CASZ1: variants seen among roughly 807,000 people sequenced by gnomAD.
The protein encoded by CASZ1 is zinc finger protein castor homolog 1.
In CASZ1, 28 loss-of-function variants were observed where a neutral mutation model predicts 135.2. The observed-to-expected ratio is 0.21, with a 90% confidence interval of 0.15 to 0.28. The LOEUF (loss-of-function observed/expected upper bound fraction) is 0.28, where lower values mean the gene tolerates loss of function less well. CASZ1 is among the 10% of genes least tolerant of loss of function. The pLI is 1.00. For synonymous variants in CASZ1, 1,068 were observed against 1,073.4 expected (o/e 0.99, Z 0.10); for missense variants, 2,161 against 2,453.3 (o/e 0.88, Z 2.52).
At chr1:10,732,641 G>A (rs1357376021) in intron 2 of CASZ1, among the ~76,000 whole-genome samples, 1 of 152,246 alleles carries the variant, frequency 6.6e-6, no homozygotes, top group Non-Finnish European at 1.5e-5. Context: ...ACCCTGGGAT[G>A]CAGAGGCAGA....
intron 13 of CASZ1, chr1:10,650,368 A>AT (rs1642523297): frequency 6.3e-6 from 1 of 159,384 alleles, no homozygotes; most frequent in Non-Finnish European, 1.4e-5. Context: ...ACAAACAAAA[A>AT]ATATATATAA....
At chr1:10,761,585 G>A (rs773383481) in intron 1 of CASZ1, among the ~76,000 whole-genome samples, 77 of 151,966 alleles carry the variant, frequency 5.1e-4, no homozygotes, top group Non-Finnish European at 8.2e-4. Flanking sequence ...CCCTGCTACC[G>A]GCAACCTTTG....
intron 11 of CASZ1, 80 bp from the exon 12 acceptor site, chr1:10,651,156 G>A: frequency 8.8e-6 from 11 of 1,245,874 alleles, no homozygotes; most frequent in Non-Finnish European, 1.2e-5. Context: ...GCCCCCTGGA[G>A]GGAGGGCAGT....
chr1:10,698,875 G>T (rs1639000763), intron 3 of CASZ1, among the ~76,000 whole-genome samples: 4 of 152,200 alleles, frequency 2.6e-5, no homozygotes, highest in Admixed American at 2.6e-4. Context: ...CATGAATTGG[G>T]CTCAGGCTTA....
At chr1:10,645,547 C>A (rs1642342781) in intron 17 of CASZ1, among the ~76,000 whole-genome samples, 1 of 152,162 alleles carries the variant, frequency 6.6e-6, no homozygotes, top group Non-Finnish European at 1.5e-5. Context: ...GCAGTGTCTG[C>A]CCTTAGTCAC....
intron 1 of CASZ1, among the ~76,000 whole-genome samples, chr1:10,790,588 A>T (rs1425518297): frequency 1.3e-5 from 2 of 152,174 alleles, no homozygotes; most frequent in African/African-American, 4.8e-5. Flanking sequence ...GATACCAAAT[A>T]AATCTCTCTT....
At chr1:10,661,010 G>A (rs1451756078) in intron 5 of CASZ1, 1 of 190,942 alleles carries the variant, frequency 5.2e-6, no homozygotes, top group Admixed American at 5.4e-5. Flanking sequence ...TCTGGCCGGG[G>A]TCGGGGTGGG....
chr1:10,765,244 G>C (rs967192856), intron 1 of CASZ1, among the ~76,000 whole-genome samples: 1 of 152,146 alleles, frequency 6.6e-6, no homozygotes, highest in East Asian at 1.9e-4. Flanking sequence ...GGTAGGGAAA[G>C]ATTTCTATCC....
At chr1:10,673,446 T>G (rs1049024905) in intron 4 of CASZ1, among the ~76,000 whole-genome samples, 1 of 152,058 alleles carries the variant, frequency 6.6e-6, no homozygotes, top group Non-Finnish European at 1.5e-5. Context: ...GTTGTGTGTG[T>G]GCACACACGC....
rs1006689459 is a variant in CASZ1, at chr1:10,699,444, G to A, written c.-23-5532C>T. Among the ~76,000 whole-genome samples the A allele has an allele frequency of 2.0e-5, 3 of 152,092 alleles. No homozygotes were observed. Among genetic ancestry groups the A allele is most frequent in the Non-Finnish European group, 4.4e-5 (3 of 68,022 alleles). ...GAGCCTGGGGATGTGGCATCGGTGG[G>A]GGCATAAAGTGACCCAAGGTCTGAA... is the stretch of plus-strand genomic sequence containing the variant. On this transcript the variant is annotated intron_variant, in intron 3 of 20. Coordinates refer to ENST00000377022, the MANE Select transcript of CASZ1 (RefSeq NM_001079843.3). The surrounding 1 kb of genome is among the most constrained non-coding windows in gnomAD (Gnocchi z 4.6).
At chr1:10,766,047 G>A (rs1270073803) in intron 1 of CASZ1, among the ~76,000 whole-genome samples, 1 of 152,214 alleles carries the variant, frequency 6.6e-6, no homozygotes, top group African/African-American at 2.4e-5. Flanking sequence ...CCTAGGTGAA[G>A]CTTGGGTGAG....
intron 1 of CASZ1, among the ~76,000 whole-genome samples, chr1:10,775,933 G>C (rs1032722383): frequency 8.5e-5 from 13 of 152,246 alleles, no homozygotes; most frequent in Middle Eastern, 3.4e-3. Context: ...TCCCGCTGCA[G>C]CCTCTCCGTG....
In CASZ1 at chr1:10,660,466, A is replaced by C. The variant is rs200561610; in HGVS notation, c.576T>G (p.Asp192Glu). 1.2e-6 allele frequency: 2 copies of C among 1,614,128 alleles called. No individual in the cohort carries two copies. The highest frequency in any genetic ancestry group is 4.5e-5 in the East Asian group (2 of 44,884). ...MTEFLGMFGY[D>E]DQNTRDELAR... is the part of the protein sequence containing the mutation. Reference sequence around the variant, plus strand: ...CCAGCTCGTCCCGCGTGTTCTGGTCATCATAGCCAAACATGCCGAGGAACT... The same window carrying C: ...CCAGCTCGTCCCGCGTGTTCTGGTCCTCATAGCCAAACATGCCGAGGAACT... Residue 192 changes from aspartate (D) to glutamate (E), a missense_variant, in exon 6 of 21, where the codon GAT becomes GAG. Asp to Glu is a conservative substitution (Grantham distance 45). Around this residue, in one of 7 missense-constraint regions of CASZ1, gnomAD observed 590 missense variants for 609.8 expected, o/e 0.97. Transcript: ENST00000377022.
intron 1 of CASZ1, among the ~76,000 whole-genome samples, chr1:10,779,250 G>T (rs1395712284): frequency 6.7e-6 from 1 of 149,748 alleles, no homozygotes; most frequent in East Asian, 2.0e-4. Flanking sequence ...GGCTGGTGAG[G>T]AAAGTACAAA....
chr1:10,761,618 G>A (rs1640376480), intron 1 of CASZ1, among the ~76,000 whole-genome samples: 1 of 152,018 alleles, frequency 6.6e-6, no homozygotes, highest in Non-Finnish European at 1.5e-5. Context: ...CAAATATTGT[G>A]GTGTTTCCAT....
At position 10,725,398 on chromosome 1, in the gene CASZ1, A is replaced by T. The variant is rs1639578961; in HGVS notation, c.-76-19854T>A. ...CTCAAGTACTGAGCCATATGGTTCC[A>T]GTTAAGCTCCATATTTTTCCTTGTC... On this transcript the variant is annotated intron_variant, in intron 2 of 20. Transcript: ENST00000377022. The surrounding 1 kb of genome is among the most constrained non-coding windows in gnomAD (Gnocchi z 4.4). Among the ~76,000 whole-genome samples, 1 of 146,982 alleles carries T rather than the reference A, an allele frequency of 6.8e-6. No homozygotes were observed. Among genetic ancestry groups the T allele is most frequent in the Admixed American group, 6.7e-5 (1 of 14,894 alleles).
intron 2 of CASZ1, among the ~76,000 whole-genome samples, chr1:10,730,096 A>G (rs760471831): frequency 1.4e-4 from 21 of 148,842 alleles, no homozygotes; most frequent in Non-Finnish European, 3.0e-4. Context: ...ATTACAAGCC[A>G]TATTCACTTT....
Position 10,705,519 on chromosome 1 carries a change from G to A in CASZ1, c.-51C>T, listed in dbSNP as rs1305449659. ...CGTAGCAGGTCCTAGAACCTCCTCG[G>A]ATGTAGCTGGGGGTGTCACTTCATC... On this transcript the variant is annotated 5_prime_UTR_variant, in exon 3 of 21. Transcript: ENST00000377022. 6.6e-6 allele frequency: 1 copy of A among 152,384 alleles called. No individual in the cohort carries two copies. 9.4% of individuals were successfully genotyped at this position (152,384 alleles called of 1,614,324 possible).
chr1:10,716,493 G>A (rs1639395652), intron 2 of CASZ1, among the ~76,000 whole-genome samples: 1 of 152,248 alleles, frequency 6.6e-6, no homozygotes, highest in Non-Finnish European at 1.5e-5. Context: ...GGAGACGTAT[G>A]GACCATCTGG....
Sources: gnomAD v4.1 joint callset for allele counts (sites outside exome capture counted in the v4.1 genomes callset) on GRCh38, gnomAD v4.1.1 for gene constraint, gnomAD v4.1.1 regional missense constraint, Gnocchi (gnomAD v3.1) non-coding constraint, MANE v1.5 for transcripts, NCBI Gene and HGNC (gene_info 2026-07-23, HGNC 2026-07-21) for gene names.